RNF10: variants seen among roughly 807,000 people sequenced by gnomAD.
RNF10 encodes E3 ubiquitin-protein ligase RNF10.
Under a neutral mutation model 91.4 loss-of-function variants are expected in RNF10, and 38 were observed. The ratio of observed to expected loss-of-function variants is 0.42; its 90% CI spans 0.32 to 0.54. The LOEUF (loss-of-function observed/expected upper bound fraction) is 0.54, where lower values mean the gene tolerates loss of function less well. Ranked by LOEUF, RNF10 falls within the 20% of genes least tolerant of loss-of-function variation. The probability of loss-of-function intolerance (pLI) is 0.16; values close to 1 mark genes in which losing one functional copy is unlikely to be tolerated. For missense variants in RNF10, 945 were observed against 1,012.0 expected (o/e 0.93, Z 0.90); for synonymous variants, 364 against 366.3 (o/e 0.99, Z 0.07).
chr12:120,568,370 A>G (rs545872760), intron 13 of RNF10, among the ~76,000 whole-genome samples: 2 of 152,374 alleles, frequency 1.3e-5, no homozygotes, highest in South Asian at 4.1e-4. Context: ...TCTTATATAT[A>G]AAGAATGTTT....
In RNF10 at chr12:120,574,314, T is replaced by A. The variant is rs547576000; in HGVS notation, c.2143-1317T>A. ...ACCCCATGGGGTTTGTCTCTTGATATTTTTCCAGGAATAAAATGTTCTCTG... is the reference window on the plus strand; with the variant it reads ...ACCCCATGGGGTTTGTCTCTTGATAATTTTCCAGGAATAAAATGTTCTCTG... On this transcript the variant is annotated intron_variant, in intron 14 of 16. Coordinates refer to ENST00000325954, the MANE Select transcript of RNF10 (RefSeq NM_014868.5). 1.6e-4 allele frequency among the ~76,000 whole-genome samples: 24 copies of A among 152,350 alleles called. 1 individual carries two copies. In the South Asian group the frequency reaches 5.0e-3, roughly 32 times the overall value.
chr12:120,542,201 C>T (rs1156661254), intron 1 of RNF10, among the ~76,000 whole-genome samples: 1 of 152,120 alleles, frequency 6.6e-6, no homozygotes, highest in East Asian at 1.9e-4. Context: ...CACTCTGTAG[C>T]CCAGGGTGGA....
intron 1 of RNF10, among the ~76,000 whole-genome samples, chr12:120,536,498 C>T (rs975667064): frequency 2.6e-5 from 4 of 152,132 alleles, no homozygotes; most frequent in African/African-American, 7.2e-5. Flanking sequence ...TCTGCTAACT[C>T]GCTCAGAGTT....
chr12:120,571,980 T>A (rs1006575443), intron 14 of RNF10, among the ~76,000 whole-genome samples: 2 of 152,074 alleles, frequency 1.3e-5, no homozygotes, highest in African/African-American at 4.8e-5. Flanking sequence ...GTGAGGAAGA[T>A]GGATGGACAG....
chr12:120,575,151 G>A (rs1357654220), intron 14 of RNF10: 1 of 157,362 alleles, frequency 6.4e-6, no homozygotes, highest in African/African-American at 2.4e-5. Flanking sequence ...AGACAGAATT[G>A]CTTGAACCTG....
At chr12:120,560,630 C>A (rs1279316809) in intron 6 of RNF10, 96 bp from the exon 7 acceptor site, 1 of 1,211,326 alleles carries the variant, frequency 8.3e-7, no homozygotes, top group South Asian at 1.5e-5. Flanking sequence ...CCCATTTTCA[C>A]CCCAGAGAAA....
intron 3 of RNF10, among the ~76,000 whole-genome samples, chr12:120,553,046 T>G (rs1873372551): frequency 8.7e-4 from 3 of 3,432 alleles, no homozygotes; most frequent in African/African-American, 1.5e-3. Context: ...AGGTTTTTTT[T>G]TTTTTTTTTT....
rs201728776 is a variant in RNF10 at position 120,566,847 on chromosome 12, C to T, written c.1908C>T (p.Leu636=). 98 of 1,613,830 alleles carry T rather than the reference C, an allele frequency of 6.1e-5. No individual in the cohort carries two copies. The Middle Eastern group carries it at 1.5e-3, about 24-fold the overall frequency. The part of the protein sequence containing the change: ...QGKYPEVHIP[L]ENLQQFPAFN... ...CAGACCCAGAAGTCCACATTCCCCTCGAGAATCTACAGCAGTTTCCTGCCT... is the reference window on the plus strand; with the variant it reads ...CAGACCCAGAAGTCCACATTCCCCTTGAGAATCTACAGCAGTTTCCTGCCT... The change falls in exon 13 of 17, where the codon CTC becomes CTT. Residue 636 remains leucine, a synonymous_variant. Transcript: ENST00000325954.
intron 1 of RNF10, among the ~76,000 whole-genome samples, chr12:120,542,233 A>G (rs1871680108): frequency 6.6e-6 from 1 of 151,822 alleles, no homozygotes; most frequent in African/African-American, 2.4e-5. Context: ...CCATCATAGC[A>G]CACCGCAGCC....
At chr12:120,570,553 T>A (rs17487385) in intron 13 of RNF10, among the ~76,000 whole-genome samples, 6,907 of 152,258 alleles carry the variant, frequency 0.045, 261 homozygotes, top group South Asian at 0.1. Context: ...ATAAGAGTAC[T>A]GACCATGTGA....
At chr12:120,561,599 C>T (rs966907101) in intron 7 of RNF10, among the ~76,000 whole-genome samples, 1 of 152,164 alleles carries the variant, frequency 6.6e-6, no homozygotes, top group Non-Finnish European at 1.5e-5. Context: ...TTGTGCTATA[C>T]ACATTTATCT....
chr12:120,545,793 C>G (rs1034849411), intron 1 of RNF10, among the ~76,000 whole-genome samples: 2 of 152,240 alleles, frequency 1.3e-5, no homozygotes, highest in Non-Finnish European at 2.9e-5. Flanking sequence ...CCTGCCTCGG[C>G]CTTCCAAAGT....
At chr12:120,535,051 C>A in intron 1 of RNF10, 83 bp downstream of exon 1, 2 of 1,405,848 alleles carry the variant, frequency 1.4e-6, no homozygotes, top group African/African-American at 1.5e-5. Flanking sequence ...CTGGGTTACT[C>A]GGGGACAGGC....
chr12:120,576,817 A>C lies in RNF10; in HGVS notation c.*151A>C, dbSNP rs1877458930. 3 of 1,016,440 alleles carry C rather than the reference A, an allele frequency of 3.0e-6. No homozygotes were observed. Among genetic ancestry groups the C allele is most frequent in the Non-Finnish European group, 4.3e-6 (3 of 703,596 alleles). 63.0% of individuals were successfully genotyped at this position (1,016,440 alleles called of 1,614,324 possible). A position where few individuals can be genotyped will look rare whatever the true frequency, so the allele number is the denominator to read the frequency against. The stretch of plus-strand genomic sequence containing the variant: ...GGTTTCCACAATGTGAGGGGGAACC[A>C]AGAAAATTTTAAATACAGTGTATTT... On this transcript the variant is annotated 3_prime_UTR_variant, in exon 17 of 17. Coordinates refer to ENST00000325954, the MANE Select transcript of RNF10 (RefSeq NM_014868.5).
At chr12:120,547,045 A>G (rs1466473174) in intron 2 of RNF10, among the ~76,000 whole-genome samples, 2 of 152,158 alleles carry the variant, frequency 1.3e-5, no homozygotes, top group African/African-American at 4.8e-5. Context: ...AAGGGTATTC[A>G]CTGCTTTGTT....
In RNF10 at chr12:120,572,900, CTTTTTTT is replaced by C. The variant is rs35567785; in HGVS notation, c.2142+1624_2142+1630del. On this transcript the variant is annotated intron_variant, in intron 14 of 16. Coordinates refer to ENST00000325954, the MANE Select transcript of RNF10 (RefSeq NM_014868.5). ...ACAGACATGAACCACTGCGCCTGGC[CTTTTTTT>C]TTTTTTTTTTTTTTAAACTAGGCTT... Among the ~76,000 whole-genome samples, 687 of 100,620 alleles carry C rather than the reference CTTTTTTT, an allele frequency of 6.8e-3. 5 individuals carry two copies. Among genetic ancestry groups the C allele is most frequent in the African/African-American group, 0.025 (669 of 26,408 alleles). 66.0% of individuals were successfully genotyped at this position (100,620 alleles called of 152,430 possible).
intron 13 of RNF10, among the ~76,000 whole-genome samples, chr12:120,567,181 A>G (rs1593107912): frequency 6.6e-6 from 1 of 152,162 alleles, no homozygotes; most frequent in Non-Finnish European, 1.5e-5. Context: ...GCCAGCTTCT[A>G]AGCACCTCAA....
intron 1 of RNF10, among the ~76,000 whole-genome samples, chr12:120,541,147 GT>G (rs1419254821): frequency 6.6e-6 from 1 of 152,154 alleles, no homozygotes; most frequent in Non-Finnish European, 1.5e-5. Flanking sequence ...ATGAGCCACC[GT>G]GTCTGGCCAT....
intron 4 of RNF10, 78 bp from the exon 5 acceptor site, chr12:120,557,204 G>C: frequency 7.9e-7 from 1 of 1,261,902 alleles, no homozygotes; most frequent in Non-Finnish European, 1.1e-6. Flanking sequence ...GCGGATGAGA[G>C]AGTAGAGAGG....
Sources: allele counts gnomAD v4.1 joint callset (sites outside exome capture counted in the v4.1 genomes callset), GRCh38; gene constraint gnomAD v4.1.1; transcripts MANE v1.5; gene names NCBI Gene and HGNC (gene_info 2026-07-23, HGNC 2026-07-21).